The following GABRA3 variants were observed in gnomAD, a reference collection of about 807,000 sequenced individuals.
GABRA3 encodes the protein gamma-aminobutyric acid receptor subunit alpha-3.
In GABRA3, 10 loss-of-function variants were observed where a neutral mutation model predicts 30.1. The observed-to-expected ratio is 0.33, with a 90% CI of 0.20 to 0.56. GABRA3 has a LOEUF of 0.56. GABRA3 is among the 20% of genes least tolerant of loss of function. The pLI, the probability that GABRA3 is intolerant of heterozygous loss-of-function variation, is 0.89. For missense variants in GABRA3, 233 were observed against 392.0 expected, an observed-to-expected ratio of 0.59 and a Z score of 3.42; for synonymous variants, 151 against 146.8, an observed-to-expected ratio of 1.03 and a Z score of -0.21.
At chrX:152,267,342 T>G (rs112376336) in intron 4 of GABRA3, among the ~76,000 whole-genome samples, 1 of 112,315 alleles carries the variant, frequency 8.9e-6, no homozygotes, top group Non-Finnish European at 1.9e-5. Flanking sequence ...TGAACCATTC[T>G]TGCATTCCTG....
At chrX:152,202,889 C>T (rs1468481311) in intron 7 of GABRA3, among the ~76,000 whole-genome samples, 1 of 112,573 alleles carries the variant, frequency 8.9e-6, no homozygotes, top group Non-Finnish European at 1.9e-5. Context: ...ACATTTACCT[C>T]CTCTTTCTCT....
intron 4 of GABRA3, among the ~76,000 whole-genome samples, chrX:152,284,321 T>C (rs1939251060): frequency 9.0e-6 from 1 of 111,548 alleles, no homozygotes; most frequent in South Asian, 3.7e-4. Context: ...CACAATTCTC[T>C]CCTCATATGA....
At chrX:152,375,705 C>A (rs1326452771) in intron 1 of GABRA3, among the ~76,000 whole-genome samples, 1 of 112,375 alleles carries the variant, frequency 8.9e-6, no homozygotes, top group Non-Finnish European at 1.9e-5. Context: ...ATGAAAGCAG[C>A]TGAAGAAAAT....
At chrX:152,425,179 A>G (rs763651976) in intron 1 of GABRA3, among the ~76,000 whole-genome samples, 1 of 107,977 alleles carries the variant, frequency 9.3e-6, no homozygotes, top group East Asian at 2.9e-4. Flanking sequence ...TCAAGCAATT[A>G]CCTACCTCAG....
rs188839287 is a variant in GABRA3, at chrX:152,310,830, A to G, written c.263-26095T>C. Among the ~76,000 whole-genome samples the G allele has an allele frequency of 4.7e-3, 529 of 111,709 alleles. 3 individuals carry two copies. Among genetic ancestry groups the G allele is most frequent in the African/African-American group, 0.016 (501 of 30,793 alleles). ...GACCACTAATTATACTAATAAAGAA[A>G]GAATGAGAGAAGATCCATATGAATA... On this transcript the variant is annotated intron_variant, in intron 3 of 9. Transcript: ENST00000370314.
chrX:152,254,133 T>C (rs911376230), intron 5 of GABRA3, among the ~76,000 whole-genome samples: 2 of 111,795 alleles, frequency 1.8e-5, no homozygotes, highest in Non-Finnish European at 3.8e-5. Flanking sequence ...TTTAGGGTCA[T>C]GTATATATTA....
intron 9 of GABRA3, among the ~76,000 whole-genome samples, chrX:152,187,803 T>C (rs1603203227): frequency 8.9e-6 from 1 of 112,302 alleles, no homozygotes; most frequent in African/African-American, 3.2e-5. Flanking sequence ...ATTTCTCTAA[T>C]GCAACTTCAA....
intron 1 of GABRA3, among the ~76,000 whole-genome samples, chrX:152,385,046 G>A (rs1361317056): frequency 9.0e-6 from 1 of 111,422 alleles, no homozygotes; most frequent in Non-Finnish European, 1.9e-5. Flanking sequence ...TTAGAAATTA[G>A]AAATTAGAAA....
intron 1 of GABRA3, among the ~76,000 whole-genome samples, chrX:152,422,767 A>G (rs1195912694): frequency 9.0e-6 from 1 of 110,965 alleles, no homozygotes; most frequent in Non-Finnish European, 1.9e-5. Context: ...TTTCAGTTCA[A>G]CGGTAGGAAT....
intron 3 of GABRA3, among the ~76,000 whole-genome samples, chrX:152,290,392 C>T (rs1939385984): frequency 9.0e-6 from 1 of 111,479 alleles, no homozygotes; most frequent in Non-Finnish European, 1.9e-5. Context: ...TGTTTAAGTT[C>T]CTTGTAGATT....
At chrX:152,218,892 G>A (rs1257520383) in intron 6 of GABRA3, among the ~76,000 whole-genome samples, 1 of 111,089 alleles carries the variant, frequency 9.0e-6, no homozygotes, top group Non-Finnish European at 1.9e-5. Flanking sequence ...TTGCTTTTAT[G>A]GAGGAGTGGA....
At chrX:152,339,230 AT>A (rs1248702708) in intron 3 of GABRA3, among the ~76,000 whole-genome samples, 327 of 102,209 alleles carry the variant, frequency 3.2e-3, no homozygotes, top group East Asian at 0.028. Flanking sequence ...TTATGTTGTA[AT>A]TTTTTTTTTT....
At chrX:152,237,737 T>C (rs1161350783) in intron 5 of GABRA3, among the ~76,000 whole-genome samples, 1 of 105,978 alleles carries the variant, frequency 9.4e-6, no homozygotes, top group Non-Finnish European at 1.9e-5. Flanking sequence ...CCTAGGTATT[T>C]TATTCTCTTT....
intron 1 of GABRA3, among the ~76,000 whole-genome samples, chrX:152,390,404 A>G (rs771468309): frequency 5.3e-4 from 60 of 112,944 alleles, no homozygotes; most frequent in Middle Eastern, 4.6e-3. Flanking sequence ...AGACACAATT[A>G]TGCCTTATGC....
intron 5 of GABRA3, among the ~76,000 whole-genome samples, chrX:152,233,791 C>G (rs1938138411): frequency 9.6e-6 from 1 of 104,383 alleles, no homozygotes; most frequent in African/African-American, 3.5e-5. Context: ...GACTTGGAAC[C>G]AACCCAAACG....
At chrX:152,444,747 TG>T (rs755597073) in intron 1 of GABRA3, among the ~76,000 whole-genome samples, 26,907 of 67,215 alleles carry the variant, frequency 0.4, 5,036 homozygotes, top group East Asian at 0.64. Flanking sequence ...TTTTTTTTTT[TG>T]TTTTTTTTTG....
At chrX:152,273,509 T>A (rs767504884) in intron 4 of GABRA3, among the ~76,000 whole-genome samples, 7 of 112,374 alleles carry the variant, frequency 6.2e-5, no homozygotes, top group African/African-American at 2.3e-4. Context: ...GCAGCACTAT[T>A]CACAATAGCC....
intron 1 of GABRA3, among the ~76,000 whole-genome samples, chrX:152,435,939 ATTAC>A (rs759890468): frequency 1.0e-3 from 112 of 111,762 alleles, no homozygotes; most frequent in Non-Finnish European, 1.7e-3. Flanking sequence ...AAAAGCATGT[ATTAC>A]TTAAGATAAA....
intron 1 of GABRA3, among the ~76,000 whole-genome samples, chrX:152,383,973 C>CAAAAAAAAAAAAAAAA (rs34355005): frequency 1.4e-5 from 1 of 73,234 alleles, no homozygotes; most frequent in Non-Finnish European, 2.5e-5. Flanking sequence ...GACTCCACCA[C>CAAAAAAAAAAAAAAAA]AAAAAAAAAA....
Sources: allele counts gnomAD v4.1 joint callset (sites outside exome capture counted in the v4.1 genomes callset), GRCh38; gene constraint gnomAD v4.1.1; transcripts MANE v1.5; gene names NCBI Gene and HGNC (gene_info 2026-07-23, HGNC 2026-07-21).